PTGER3: variants seen among roughly 807,000 people sequenced by gnomAD.
PTGER3 encodes the protein prostaglandin E2 receptor EP3 subtype.
In PTGER3, 22 loss-of-function variants were observed where a neutral mutation model predicts 34.7. The ratio of observed to expected loss-of-function variants is 0.63; its 90% confidence interval spans 0.45 to 0.91. PTGER3 has a LOEUF of 0.91. PTGER3 is among the 40% of genes least tolerant of loss of function. PTGER3 has a pLI of 0.00. For missense variants in PTGER3, 468 were observed against 519.4 expected (o/e 0.90, Z 0.96); for synonymous variants, 241 against 230.1 (o/e 1.05, Z -0.43).
chr1:70,907,304 A>G (rs1177577770), intron 4 of PTGER3, among the ~76,000 whole-genome samples: 1 of 152,238 alleles, frequency 6.6e-6, no homozygotes. Context: ...AGCTTATGCA[A>G]TATCTTCAGA....
chr1:70,928,656 A>C (rs1329983589), intron 4 of PTGER3, among the ~76,000 whole-genome samples: 1 of 152,048 alleles, frequency 6.6e-6, no homozygotes, highest in Non-Finnish European at 1.5e-5. Context: ...ACAAAAAACG[A>C]AGGATATGCG....
chr1:70,910,316 A>G (rs547816945), intron 4 of PTGER3, among the ~76,000 whole-genome samples: 2 of 152,316 alleles, frequency 1.3e-5, no homozygotes, highest in Non-Finnish European at 2.9e-5. Flanking sequence ...GAATCTGTCA[A>G]CCTCAACATA....
intron 2 of PTGER3, chr1:71,012,098 A>T: frequency 6.7e-7 from 1 of 1,500,526 alleles, no homozygotes; most frequent in Non-Finnish European, 8.8e-7. Flanking sequence ...TTAGCTTTAT[A>T]CCAAAAATTC....
intron 3 of PTGER3, among the ~76,000 whole-genome samples, chr1:70,973,329 A>G (rs1007778495): frequency 4.0e-5 from 6 of 151,874 alleles, no homozygotes; most frequent in African/African-American, 1.4e-4. Context: ...TGAGTTGAGT[A>G]AAAATTGTAT....
intron 2 of PTGER3, chr1:70,953,821 T>A (rs765532235): frequency 5.9e-6 from 6 of 1,022,952 alleles, no homozygotes; most frequent in Non-Finnish European, 6.9e-6. Context: ...ATAAGCTTGC[T>A]ATAATTTAAT....
rs375485706 is a variant in PTGER3 at position 70,987,753 on chromosome 1, C to T, written c.1078-13365G>A. On this transcript the variant is annotated intron_variant, in intron 2 of 3. Transcript: ENST00000306666. ...AAATTAAATCCCAGCTAGTGTGACA[C>T]TGCCATAAGAATAATGATTGGATAC... 4.6e-5 allele frequency among the ~76,000 whole-genome samples: 7 copies of T among 152,286 alleles called. No individual in the cohort carries two copies. In the South Asian group the frequency reaches 8.3e-4, roughly 18 times the overall value.
At chr1:70,896,496 A>G (rs900400660) in intron 4 of PTGER3, among the ~76,000 whole-genome samples, 2 of 152,208 alleles carry the variant, frequency 1.3e-5, no homozygotes, top group African/African-American at 4.8e-5. Flanking sequence ...GAGACCAGCC[A>G]TGCTGACTCC....
intron 4 of PTGER3, among the ~76,000 whole-genome samples, chr1:70,859,084 T>C (rs1277619143): frequency 6.6e-6 from 1 of 152,198 alleles, no homozygotes; most frequent in Non-Finnish European, 1.5e-5. Flanking sequence ...TGTGTCAGAA[T>C]TGAGAATGAG....
At chr1:71,023,676 C>T (rs1342523382) in intron 1 of PTGER3, among the ~76,000 whole-genome samples, 1 of 151,768 alleles carries the variant, frequency 6.6e-6, no homozygotes, top group Admixed American at 6.6e-5. Flanking sequence ...ACAGTAAATC[C>T]CCATCTCTAA....
At chr1:70,905,387 C>A (rs534666159) in intron 4 of PTGER3, among the ~76,000 whole-genome samples, 1 of 152,104 alleles carries the variant, frequency 6.6e-6, no homozygotes, top group Non-Finnish European at 1.5e-5. Context: ...TGACAGCCTG[C>A]ACCATGCACC....
chr1:70,923,043 C>T (rs1164034477), intron 4 of PTGER3, among the ~76,000 whole-genome samples: 1 of 152,072 alleles, frequency 6.6e-6, no homozygotes, highest in Non-Finnish European at 1.5e-5. Context: ...TAAAATCTTA[C>T]CTATGGTCAA....
intron 4 of PTGER3, among the ~76,000 whole-genome samples, chr1:70,864,888 A>T (rs1415901961): frequency 1.3e-5 from 2 of 152,146 alleles, no homozygotes; most frequent in Admixed American, 6.5e-5. Flanking sequence ...CTTTTTCCTA[A>T]CTCCTAAGCT....
At chr1:70,994,461 A>AT (rs34358551) in intron 2 of PTGER3, among the ~76,000 whole-genome samples, 90,119 of 148,464 alleles carry the variant, frequency 0.61, 27,262 homozygotes, top group Middle Eastern at 0.65. Flanking sequence ...GTAAACCTTA[A>AT]TTTTTTTTTT....
At position 70,937,064 on chromosome 1, in the gene PTGER3, G is replaced by T. The variant is rs79059101; in HGVS notation, c.*23+16699C>A. 4.4e-3 allele frequency among the ~76,000 whole-genome samples: 665 copies of T among 152,230 alleles called. 6 individuals are homozygous for T. The highest frequency in any genetic ancestry group is 0.015 in the African/African-American group (625 of 41,548). ...TTCCCAACTTGTACACTTGAATAGGGCTCCTTTGGCCCAAAACAAGGTTGG... is the reference window on the plus strand; with the variant it reads ...TTCCCAACTTGTACACTTGAATAGGTCTCCTTTGGCCCAAAACAAGGTTGG... On this transcript the variant is annotated intron_variant, in intron 4 of 4. Coordinates refer to the PTGER3 transcript ENST00000370931.
chr1:70,978,417 T>C (rs903625168), intron 2 of PTGER3, among the ~76,000 whole-genome samples: 6 of 152,096 alleles, frequency 3.9e-5, no homozygotes, highest in Non-Finnish European at 7.4e-5. Context: ...TGACATAAAA[T>C]AGTCTTAATT....
At chr1:71,041,973 TA>T (rs111266962) in intron 1 of PTGER3, among the ~76,000 whole-genome samples, 35 of 152,154 alleles carry the variant, frequency 2.3e-4, no homozygotes, top group African/African-American at 8.2e-4. Context: ...CTGTGGTGCA[TA>T]TTCCTGAGTG....
intron 4 of PTGER3, among the ~76,000 whole-genome samples, chr1:70,936,637 CA>C (rs1160920437): frequency 1.3e-5 from 2 of 152,170 alleles, no homozygotes; most frequent in African/African-American, 4.8e-5. Flanking sequence ...TGGACAGCAA[CA>C]TAAATAAAAT....
intron 4 of PTGER3, among the ~76,000 whole-genome samples, chr1:70,882,366 A>T (rs1162348214): frequency 6.6e-6 from 1 of 151,948 alleles, no homozygotes; most frequent in African/African-American, 2.4e-5. Flanking sequence ...AGTGGTGGGG[A>T]TGGGTGAGAT....
intron 2 of PTGER3, among the ~76,000 whole-genome samples, chr1:70,958,714 G>A (rs1205003591): frequency 5.9e-5 from 9 of 151,966 alleles, no homozygotes; most frequent in Admixed American, 5.9e-4. Context: ...AGCTTTTGTT[G>A]CCAGGGCTTT....
Sources: allele counts gnomAD v4.1 joint callset (sites outside exome capture counted in the v4.1 genomes callset), GRCh38; gene constraint gnomAD v4.1.1; transcripts MANE v1.5; gene names NCBI Gene and HGNC (gene_info 2026-07-23, HGNC 2026-07-21).